The following TRIO variants were observed in gnomAD, a reference collection of about 807,000 sequenced individuals.
The protein encoded by TRIO is triple functional domain protein.
In TRIO, 58 loss-of-function variants were observed where a neutral mutation model predicts 351.9. The observed-to-expected ratio is 0.16, with a 90% CI of 0.13 to 0.21. The LOEUF (loss-of-function observed/expected upper bound fraction) is 0.21. Among genes scored for constraint, TRIO ranks in the 10% least tolerant of loss-of-function variants. The probability of loss-of-function intolerance (pLI) is 1.00; values close to 1 mark genes in which losing one functional copy is unlikely to be tolerated. For synonymous variants in TRIO, 1,758 were observed against 1,595.7 expected (o/e 1.10, Z -2.42); for missense variants, 3,201 against 4,027.8 (o/e 0.79, Z 5.56).
At chr5:14,507,332 C>T (rs1757767215) in intron 56 of TRIO, 72 bp downstream of exon 56, 1 of 1,581,138 alleles carries the variant, frequency 6.3e-7, no homozygotes, top group East Asian at 2.2e-5. Flanking sequence ...ACAGAGCCCC[C>T]TCTGAAGCCA....
At chr5:14,490,393 C>T (rs1380496213) in intron 48 of TRIO, among the ~76,000 whole-genome samples, 1 of 152,250 alleles carries the variant, frequency 6.6e-6, no homozygotes, top group Non-Finnish European at 1.5e-5. Context: ...CTGTGCCCAG[C>T]CCACAGCCCG....
intron 34 of TRIO, among the ~76,000 whole-genome samples, chr5:14,457,549 T>C (rs1473096325): frequency 1.3e-5 from 2 of 152,052 alleles, no homozygotes. Context: ...GGGAATGACG[T>C]ATTTAATTTC....
chr5:14,470,787 A>G (rs1754625418), intron 37 of TRIO, among the ~76,000 whole-genome samples: 1 of 152,224 alleles, frequency 6.6e-6, no homozygotes. Flanking sequence ...AGTGATTTGT[A>G]TGCATTGAAG....
chr5:14,219,753 C>A (rs1246331967), intron 1 of TRIO, among the ~76,000 whole-genome samples: 1 of 152,152 alleles, frequency 6.6e-6, no homozygotes, highest in African/African-American at 2.4e-5. Context: ...CACTTTTACT[C>A]CAGGATCTTT....
chr5:14,419,638 CAGTGA>C, intron 33 of TRIO, 135 bp from the exon 34 acceptor site: 2 of 1,075,120 alleles, frequency 1.9e-6, no homozygotes, highest in Non-Finnish European at 2.7e-6. Flanking sequence ...ACGGAGAGTG[CAGTGA>C]TCACACAACC....
intron 28 of TRIO, 97 bp from the exon 29 acceptor site, chr5:14,396,946 C>T (rs1747652752): frequency 9.9e-7 from 1 of 1,009,068 alleles, no homozygotes; most frequent in African/African-American, 1.6e-5. Flanking sequence ...CTGTTTTTAT[C>T]TTGAAAGCCA....
rs1030408394 is a variant in TRIO at position 14,143,912 on chromosome 5, C to T, written c.157+30C>T. ...GTGCAACTGCGGCCGGCCCGCCCAG[C>T]GGCGCTGCCCCAAGCGCTCGGCCGA... On this transcript the variant is annotated intron_variant, in intron 1 of 56. Transcript: ENST00000344204. 19 of 1,060,622 alleles carry T rather than the reference C, an allele frequency of 1.8e-5. No homozygotes were observed. The African/African-American group carries it at 3.1e-4, about 17-fold the overall frequency. 65.7% of individuals were successfully genotyped at this position (1,060,622 alleles called of 1,614,324 possible).
intron 34 of TRIO, 76 bp from the exon 35 acceptor site, chr5:14,460,943 T>G (rs1433584846): frequency 7.0e-7 from 1 of 1,434,580 alleles, no homozygotes; most frequent in Non-Finnish European, 9.2e-7. Flanking sequence ...CCCTGCAGCC[T>G]GCGGGATAAT....
At chr5:14,403,009 T>TGAG (rs1288613821) in intron 31 of TRIO, among the ~76,000 whole-genome samples, 1 of 151,646 alleles carries the variant, frequency 6.6e-6, no homozygotes, top group African/African-American at 2.4e-5. Context: ...GTGCAGGTTG[T>TGAG]GGTGAGGGTA....
rs42206 is a variant in TRIO at position 14,400,846 on chromosome 5, T to C, written c.4615-117T>C. On this transcript the variant is annotated intron_variant, in intron 30 of 56. Coordinates refer to ENST00000344204, the MANE Select transcript of TRIO (RefSeq NM_007118.4). ...CTCACATGACAGCTGAGATCACTAGTGACGTTCTTATAACCTAACATGGCC... is the reference window on the plus strand; with the variant it reads ...CTCACATGACAGCTGAGATCACTAGCGACGTTCTTATAACCTAACATGGCC... 293,251 of 801,936 alleles carry C rather than the reference T, an allele frequency of 0.37. 62,266 individuals are homozygous for C. The highest frequency in any genetic ancestry group is 0.82 in the African/African-American group (46,937 of 57,356). 49.7% of individuals were successfully genotyped at this position (801,936 alleles called of 1,614,324 possible).
chr5:14,289,878 A>T lies in TRIO; in HGVS notation c.541-838A>T, dbSNP rs550742206. 8.5e-5 allele frequency among the ~76,000 whole-genome samples: 13 copies of T among 152,198 alleles called. No homozygotes were observed. In the South Asian group the frequency reaches 2.1e-3, roughly 24 times the overall value. On this transcript the variant is annotated intron_variant, in intron 4 of 56. Transcript: ENST00000344204. ...AAAAATAATAATAATAAATATAAAG[A>T]TTTCTTGCTTAGACTGTAATTGACT... is the stretch of plus-strand genomic sequence containing the variant.
intron 48 of TRIO, chr5:14,490,852 T>C (rs1434160947): frequency 4.4e-6 from 2 of 456,134 alleles, no homozygotes; most frequent in Non-Finnish European, 8.8e-6. Flanking sequence ...CTTGGAAATT[T>C]AGCTTTGTAA....
At chr5:14,325,063 G>C (rs1482405719) in intron 9 of TRIO, among the ~76,000 whole-genome samples, 1 of 152,194 alleles carries the variant, frequency 6.6e-6, no homozygotes, top group Admixed American at 6.5e-5. Context: ...TCAATAAATA[G>C]AGCTGATGGC....
At position 14,488,356 on chromosome 5, in the gene TRIO, C is replaced by A; in HGVS notation, c.7632+96C>A. ...GGCTGTTCTCACTAACTCGGCTGCC[C>A]AGCGCTCTCCGCCGCCCGTTGCGGC... On this transcript the variant is annotated intron_variant, in intron 48 of 56. Coordinates refer to ENST00000344204, the MANE Select transcript of TRIO (RefSeq NM_007118.4). 3.4e-6 allele frequency: 5 copies of A among 1,465,250 alleles called. No homozygotes were observed. In the Middle Eastern group the frequency reaches 8.5e-4, roughly 248 times the overall value. The allele number at this position is 1,465,250 out of a possible 1,614,324, so 90.8% of individuals were successfully genotyped here.
rs1290975015 is a variant in TRIO at position 14,491,765 on chromosome 5, G to A, written c.7633-802G>A. 5.9e-5 allele frequency among the ~76,000 whole-genome samples: 9 copies of A among 152,246 alleles called. No individual in the cohort carries two copies. In the South Asian group the frequency reaches 1.0e-3, roughly 18 times the overall value. ...AGAGATCGGGTCCCACAGGGGCAGC[G>A]GTATAAGGGTGGGGGTACGCATCCC... On this transcript the variant is annotated intron_variant, in intron 48 of 56. Coordinates refer to ENST00000344204, the MANE Select transcript of TRIO (RefSeq NM_007118.4).
intron 1 of TRIO, among the ~76,000 whole-genome samples, chr5:14,170,265 TTTTC>T (rs1336437085): frequency 6.6e-6 from 1 of 152,188 alleles, no homozygotes; most frequent in Non-Finnish European, 1.5e-5. Flanking sequence ...TATCTAGCTT[TTTTC>T]TTTCGTAATT....
intron 1 of TRIO, among the ~76,000 whole-genome samples, chr5:14,181,825 C>T (rs369391895): frequency 6.6e-6 from 1 of 152,230 alleles, no homozygotes. Context: ...CACGCCCCTC[C>T]CGGCCTGGGC....
At chr5:14,449,586 A>G (rs951921116) in intron 34 of TRIO, among the ~76,000 whole-genome samples, 1 of 151,996 alleles carries the variant, frequency 6.6e-6, no homozygotes, top group Non-Finnish European at 1.5e-5. Flanking sequence ...CTAGTGATCA[A>G]CTGTCCACCA....
chr5:14,296,454 T>C (rs1409110029), intron 6 of TRIO, among the ~76,000 whole-genome samples: 2 of 152,240 alleles, frequency 1.3e-5, no homozygotes, highest in African/African-American at 4.8e-5. Flanking sequence ...GACTTGAAGA[T>C]AGGAATTTTG....
Sources: gnomAD v4.1 joint callset for allele counts (sites outside exome capture counted in the v4.1 genomes callset) on GRCh38, gnomAD v4.1.1 for gene constraint, MANE v1.5 for transcripts, NCBI Gene and HGNC (gene_info 2026-07-23, HGNC 2026-07-21) for gene names.